The following ERBB4 variants were observed in gnomAD, a reference collection of about 807,000 sequenced individuals.
ERBB4 encodes the protein erb-b2 receptor tyrosine kinase 4, also known as receptor tyrosine-protein kinase erbB-4.
ERBB4 carries 42 observed loss-of-function variants against 158.0 expected under a neutral mutation model. That is an observed-to-expected ratio of 0.27 (90% CI 0.21 to 0.34). The LOEUF is 0.34. Ranked by LOEUF, ERBB4 falls within the 10% of genes least tolerant of loss-of-function variation. The pLI, the probability that ERBB4 is intolerant of heterozygous loss-of-function variation, is 1.00. For synonymous variants in ERBB4, 583 were observed against 558.7 expected, an observed-to-expected ratio of 1.04 and a Z score of -0.61; for missense variants, 1,333 against 1,624.1, an observed-to-expected ratio of 0.82 and a Z score of 3.08.
chr2:212,105,088 A>T (rs1270421367), intron 2 of ERBB4, among the ~76,000 whole-genome samples: 2 of 152,172 alleles, frequency 1.3e-5, no homozygotes, highest in Non-Finnish European at 2.9e-5. Flanking sequence ...AAAAAATCAG[A>T]TGACTTCTGG....
At chr2:211,958,145 T>C (rs1036060153) in intron 2 of ERBB4, among the ~76,000 whole-genome samples, 4 of 152,068 alleles carry the variant, frequency 2.6e-5, no homozygotes, top group African/African-American at 2.4e-5. Flanking sequence ...TATTTGGCCA[T>C]AAAAAACACA....
chr2:211,640,608 G>C (rs544618743), intron 16 of ERBB4, among the ~76,000 whole-genome samples: 1 of 152,228 alleles, frequency 6.6e-6, no homozygotes, highest in African/African-American at 2.4e-5. Context: ...TAGACTCTTA[G>C]TATATTTTTC....
intron 4 of ERBB4, among the ~76,000 whole-genome samples, chr2:211,773,635 TATATATATATATA>T (rs1559506410): frequency 0.057 from 5,742 of 101,054 alleles, 332 homozygotes; most frequent in East Asian, 0.19. Context: ...TATATATATA[TATATATATATATA>T]ATATATATAC....
In ERBB4 at chr2:211,971,992, C is replaced by T. The variant is rs374251691; in HGVS notation, c.235-24376G>A. On this transcript the variant is annotated intron_variant, in intron 2 of 27. Transcript: ENST00000342788. ...TCAAACTACCCCTGTTTGTGGATAA[C>T]ATGATTCTATATCTAGAAAACCCCA... 8.5e-4 allele frequency among the ~76,000 whole-genome samples: 129 copies of T among 152,288 alleles called. 3 individuals carry two copies. The South Asian group carries it at 0.024, about 28-fold the overall frequency.
intron 22 of ERBB4, among the ~76,000 whole-genome samples, chr2:211,424,670 C>G (rs1175676432): frequency 6.6e-6 from 1 of 152,056 alleles, no homozygotes. Flanking sequence ...CATATGTATT[C>G]AGTACCAATA....
At chr2:212,036,566 G>C (rs1025323209) in intron 2 of ERBB4, among the ~76,000 whole-genome samples, 1 of 151,552 alleles carries the variant, frequency 6.6e-6, no homozygotes, top group Non-Finnish European at 1.5e-5. Context: ...CCGGGTTCAC[G>C]TTATTCTCCT....
intron 19 of ERBB4, among the ~76,000 whole-genome samples, chr2:211,603,883 T>A (rs2068884964): frequency 6.6e-6 from 1 of 152,190 alleles, no homozygotes; most frequent in South Asian, 2.1e-4. Flanking sequence ...TAGTTCCAGG[T>A]CATTCCTGAG....
chr2:212,319,409 T>C (rs532009433), intron 1 of ERBB4, among the ~76,000 whole-genome samples: 1 of 150,564 alleles, frequency 6.6e-6, no homozygotes, highest in East Asian at 2.0e-4. Context: ...TTGTGTTTGT[T>C]TATCTTCTTG....
At chr2:211,762,987 T>C (rs1020852379) in intron 4 of ERBB4, among the ~76,000 whole-genome samples, 1 of 152,164 alleles carries the variant, frequency 6.6e-6, no homozygotes, top group Non-Finnish European at 1.5e-5. Flanking sequence ...ATCAAATAAT[T>C]ATTTGCCTGT....
chr2:212,438,355 TATAAG>T (rs1353661028), intron 1 of ERBB4, among the ~76,000 whole-genome samples: 1 of 152,132 alleles, frequency 6.6e-6, no homozygotes, highest in Non-Finnish European at 1.5e-5. Context: ...TGTTGGTTCT[TATAAG>T]ATGTCTTATG....
chr2:211,870,619 T>C (rs931248170), intron 3 of ERBB4, among the ~76,000 whole-genome samples: 3 of 152,164 alleles, frequency 2.0e-5, no homozygotes, highest in Admixed American at 6.6e-5. Flanking sequence ...TATAACAACC[T>C]TGGCATAAAT....
intron 12 of ERBB4, among the ~76,000 whole-genome samples, chr2:211,695,440 A>G (rs1029825899): frequency 6.6e-6 from 1 of 152,310 alleles, no homozygotes; most frequent in East Asian, 1.9e-4. Context: ...CCCCTGAGCC[A>G]TTAATTTAAA....
intron 18 of ERBB4, 74 bp from the exon 19 acceptor site, chr2:211,619,349 G>T: frequency 1.2e-6 from 1 of 853,910 alleles, no homozygotes; most frequent in South Asian, 1.4e-5. Flanking sequence ...TTAGAAGTTT[G>T]ATATTATAAC....
At chr2:212,307,458 A>T (rs1261658806) in intron 1 of ERBB4, among the ~76,000 whole-genome samples, 4 of 151,228 alleles carry the variant, frequency 2.6e-5, no homozygotes, top group African/African-American at 4.8e-5. Context: ...ATTCAATACT[A>T]GTTATAAAAA....
intron 25 of ERBB4, among the ~76,000 whole-genome samples, chr2:211,394,684 CCTAA>C (rs1344013832): frequency 4.6e-5 from 7 of 152,102 alleles, no homozygotes; most frequent in East Asian, 3.9e-4. Context: ...TCTGGAGTAG[CCTAA>C]CTGATTCTTC....
chr2:212,530,605 C>T lies in ERBB4; in HGVS notation c.82+7844G>A, dbSNP rs1227071645. 2.0e-5 allele frequency among the ~76,000 whole-genome samples: 3 copies of T among 152,106 alleles called. No homozygotes were observed. The East Asian group carries it at 5.8e-4, about 29-fold the overall frequency. ...AAGTCACAGCTATACTTGATATAGT[C>T]ACAGAGCCTGGAGAATCTGTTGTCA... is the stretch of plus-strand genomic sequence containing the variant. On this transcript the variant is annotated intron_variant, in intron 1 of 27. Coordinates refer to ENST00000342788, the MANE Select transcript of ERBB4 (RefSeq NM_005235.3).
At chr2:212,009,156 A>G (rs1399002651) in intron 2 of ERBB4, among the ~76,000 whole-genome samples, 1 of 152,092 alleles carries the variant, frequency 6.6e-6, no homozygotes, top group Non-Finnish European at 1.5e-5. Context: ...GGTGTCCCCC[A>G]ACCCCCCAAA....
At chr2:212,443,476 G>A (rs1342713465) in intron 1 of ERBB4, among the ~76,000 whole-genome samples, 4 of 152,202 alleles carry the variant, frequency 2.6e-5, no homozygotes, top group Admixed American at 2.0e-4. Context: ...ATAAGTTGCT[G>A]CACTTGGCCC....
chr2:211,989,354 C>T (rs768915468), intron 2 of ERBB4, among the ~76,000 whole-genome samples: 38 of 151,926 alleles, frequency 2.5e-4, no homozygotes, highest in Non-Finnish European at 5.2e-4. Flanking sequence ...GAAAAATTTT[C>T]CCAAAATCCA....
Sources: allele counts gnomAD v4.1 joint callset (sites outside exome capture counted in the v4.1 genomes callset), GRCh38; gene constraint gnomAD v4.1.1; transcripts MANE v1.5; gene names NCBI Gene and HGNC (gene_info 2026-07-23, HGNC 2026-07-21).